The following TMEM178B variants were observed in gnomAD, a reference collection of about 807,000 sequenced individuals.
TMEM178B encodes transmembrane protein 178B.
A neutral mutation model predicts 31.0 loss-of-function variants in TMEM178B; 5 were observed. The observed-to-expected ratio is 0.16, with a 90% CI of 0.08 to 0.34. The LOEUF (loss-of-function observed/expected upper bound fraction) is 0.34, where lower values mean the gene tolerates loss of function less well. Among genes scored for constraint, TMEM178B ranks in the 10% least tolerant of loss-of-function variants. TMEM178B has a pLI of 1.00. For synonymous variants in TMEM178B, 164 were observed against 164.0 expected, an observed-to-expected ratio of 1.00 and a Z score of 0.00; for missense variants, 275 against 400.3, an observed-to-expected ratio of 0.69 and a Z score of 2.67.
At chr7:141,430,640 C>G (rs908388999) in intron 2 of TMEM178B, among the ~76,000 whole-genome samples, 1 of 152,140 alleles carries the variant, frequency 6.6e-6, no homozygotes, top group Admixed American at 6.5e-5. Context: ...AATTAAAACC[C>G]CCACTTCCTT....
In TMEM178B at chr7:141,322,084, A is replaced by G. The variant is rs538186818; in HGVS notation, c.496+109380A>G. The stretch of plus-strand genomic sequence containing the variant: ...CTGATATGGTCTGAGGTCCAGGACC[A>G]GCCTGTCTCATTCATCATACATCCT... On this transcript the variant is annotated intron_variant, in intron 2 of 3. Transcript: ENST00000565468. Among the ~76,000 whole-genome samples, 3 of 152,324 alleles carry G rather than the reference A, an allele frequency of 2.0e-5. No individual in the cohort carries two copies. In the South Asian group the frequency reaches 6.2e-4, roughly 32 times the overall value.
intron 1 of TMEM178B, among the ~76,000 whole-genome samples, chr7:141,079,907 G>C (rs1368039711): frequency 6.6e-6 from 1 of 152,184 alleles, no homozygotes; most frequent in Non-Finnish European, 1.5e-5. Context: ...AGTTAGTTAG[G>C]AAACAAAGGT....
At chr7:141,332,827 A>T (rs1799319951) in intron 2 of TMEM178B, among the ~76,000 whole-genome samples, 1 of 152,220 alleles carries the variant, frequency 6.6e-6, no homozygotes, top group Non-Finnish European at 1.5e-5. Flanking sequence ...GTTGCAAATT[A>T]AATTCCAGAC....
Position 141,259,526 on chromosome 7 carries a change from C to T in TMEM178B, c.496+46822C>T, listed in dbSNP as rs1218661919. On this transcript the variant is annotated intron_variant, in intron 2 of 3. Transcript: ENST00000565468. ...CATATCTCATAATTTTTGGTGAAAA[C>T]TGGAAATTTTAGATAATATATTGTA... Among the ~76,000 whole-genome samples the T allele has an allele frequency of 2.0e-5, 3 of 152,158 alleles. No individual in the cohort carries two copies. The East Asian group carries it at 5.8e-4, about 29-fold the overall frequency.
chr7:141,224,797 A>G lies in TMEM178B; in HGVS notation c.496+12093A>G, dbSNP rs116343022. 4.6e-3 allele frequency among the ~76,000 whole-genome samples: 695 copies of G among 152,252 alleles called. 3 individuals carry two copies. Among genetic ancestry groups the G allele is most frequent in the African/African-American group, 0.016 (655 of 41,546 alleles). On this transcript the variant is annotated intron_variant, in intron 2 of 3. Coordinates refer to ENST00000565468, the MANE Select transcript of TMEM178B (RefSeq NM_001195278.2). Reference sequence around the variant, plus strand: ...GTCAGGCTGGGATGTGGGTGCGATGACACCCCTTGGAGAGCTCTCGTCCTA... The same window carrying G: ...GTCAGGCTGGGATGTGGGTGCGATGGCACCCCTTGGAGAGCTCTCGTCCTA...
chr7:141,464,884 C>T (rs1802123538), intron 3 of TMEM178B, among the ~76,000 whole-genome samples: 1 of 152,166 alleles, frequency 6.6e-6, no homozygotes, highest in African/African-American at 2.4e-5. Flanking sequence ...GTGTGTGGAG[C>T]ACGCAGCAGA....
chr7:141,145,759 T>C (rs973749604), intron 1 of TMEM178B, among the ~76,000 whole-genome samples: 2 of 152,220 alleles, frequency 1.3e-5, no homozygotes, highest in Non-Finnish European at 2.9e-5. Context: ...GAGAACTGAA[T>C]TGCCTTCAGG....
At chr7:141,210,806 A>AT (rs1797041222) in intron 1 of TMEM178B, among the ~76,000 whole-genome samples, 1 of 152,142 alleles carries the variant, frequency 6.6e-6, no homozygotes, top group Non-Finnish European at 1.5e-5. Context: ...AAACAATGTG[A>AT]TTGTTGACTG....
At chr7:141,128,694 G>A (rs893761800) in intron 1 of TMEM178B, among the ~76,000 whole-genome samples, 1 of 152,162 alleles carries the variant, frequency 6.6e-6, no homozygotes, top group Non-Finnish European at 1.5e-5. Flanking sequence ...GAGTGTGGTA[G>A]GGAGGAACTG....
chr7:141,495,290 G>A, the TMEM178B span, among the ~76,000 whole-genome samples: 1 of 152,332 alleles, frequency 6.6e-6, no homozygotes, highest in Admixed American at 6.5e-5. Flanking sequence ...AATATGCCCA[G>A]ATTCTGACAG....
intron 1 of TMEM178B, among the ~76,000 whole-genome samples, chr7:141,208,284 C>G (rs187161499): frequency 5.3e-5 from 8 of 152,308 alleles, no homozygotes; most frequent in Admixed American, 4.6e-4. Flanking sequence ...AGTCCTCCCC[C>G]ACCTGAGGCT....
At chr7:141,371,836 C>A (rs564211033) in intron 2 of TMEM178B, among the ~76,000 whole-genome samples, 1 of 152,172 alleles carries the variant, frequency 6.6e-6, no homozygotes, top group Non-Finnish European at 1.5e-5. Context: ...TAAAGCCAGT[C>A]CCTCTGCTCC....
intron 2 of TMEM178B, among the ~76,000 whole-genome samples, chr7:141,253,605 C>A (rs969637277): frequency 1.6e-5 from 2 of 123,760 alleles, no homozygotes; most frequent in Non-Finnish European, 3.1e-5. Context: ...AGCTGGACTG[C>A]AATAGCAGGA....
intron 1 of TMEM178B, among the ~76,000 whole-genome samples, chr7:141,153,497 A>G (rs946524941): frequency 2.0e-5 from 3 of 152,222 alleles, no homozygotes; most frequent in Admixed American, 1.3e-4. Context: ...CTATTTCTGC[A>G]TCAAAAGGCA....
At chr7:141,125,483 C>A (rs1384233333) in intron 1 of TMEM178B, among the ~76,000 whole-genome samples, 3 of 151,876 alleles carry the variant, frequency 2.0e-5, no homozygotes, top group Non-Finnish European at 4.4e-5. Flanking sequence ...GAGTTTGAGA[C>A]CAGCCTGGAC....
chr7:141,359,634 T>TAGGG (rs1799882997), intron 2 of TMEM178B, among the ~76,000 whole-genome samples: 1 of 152,202 alleles, frequency 6.6e-6, no homozygotes, highest in Admixed American at 6.5e-5. Flanking sequence ...TTCTTGTGAA[T>TAGGG]AGGGAGTGCA....
At chr7:141,510,043 G>C in the TMEM178B span, among the ~76,000 whole-genome samples, 2 of 152,218 alleles carry the variant, frequency 1.3e-5, no homozygotes, top group African/African-American at 4.8e-5. Context: ...ATTAGGCTGT[G>C]TCTCTGGAAT....
chr7:141,290,950 G>C (rs1798535442), intron 2 of TMEM178B, among the ~76,000 whole-genome samples: 1 of 152,160 alleles, frequency 6.6e-6, no homozygotes, highest in Admixed American at 6.5e-5. Context: ...AGAGATTCCT[G>C]CCACCTACCC....
intron 2 of TMEM178B, among the ~76,000 whole-genome samples, chr7:141,248,131 C>G (rs1194681933): frequency 6.6e-6 from 1 of 151,732 alleles, no homozygotes; most frequent in African/African-American, 2.4e-5. Flanking sequence ...GGATACGTGG[C>G]CGGGCACAGT....
Sources: gnomAD v4.1 joint callset for allele counts (sites outside exome capture counted in the v4.1 genomes callset) on GRCh38, gnomAD v4.1.1 for gene constraint, MANE v1.5 for transcripts, NCBI Gene and HGNC (gene_info 2026-07-23, HGNC 2026-07-21) for gene names.